PRKAG2: variants seen among roughly 807,000 people sequenced by gnomAD.
The protein encoded by PRKAG2 is 5'-AMP-activated protein kinase subunit gamma-2.
In PRKAG2, 26 loss-of-function variants were observed where a neutral mutation model predicts 69.6. That is an observed-to-expected ratio of 0.37 (90% CI 0.27 to 0.52). The LOEUF (loss-of-function observed/expected upper bound fraction) is 0.52, where lower values mean the gene tolerates loss of function less well. Ranked by LOEUF, PRKAG2 falls within the 20% of genes least tolerant of loss-of-function variation. The pLI, the probability that PRKAG2 is intolerant of heterozygous loss-of-function variation, is 0.90. For synonymous variants in PRKAG2, 293 were observed against 285.0 expected, an observed-to-expected ratio of 1.03 and a Z score of -0.28; for missense variants, 557 against 740.0, an observed-to-expected ratio of 0.75 and a Z score of 2.87.
chr7:151,705,753 C>T (rs1838487728), intron 3 of PRKAG2, among the ~76,000 whole-genome samples: 1 of 152,126 alleles, frequency 6.6e-6, no homozygotes, highest in South Asian at 2.1e-4. Context: ...CTCTGGGGTC[C>T]CCTCCTAGAG....
Position 151,828,746 on chromosome 7 carries a change from C to A in PRKAG2, c.115-42205G>T, listed in dbSNP as rs559199186. On this transcript the variant is annotated intron_variant, in intron 1 of 15. Transcript: ENST00000287878. This position sits in a 1 kb window ranked among gnomAD's most constrained non-coding sequence, Gnocchi z 4.6. ...GACCAGACTGGACAACACAGCGAGACCCTGTCTTTACAAAAAAAAAAAAAA... is the reference window on the plus strand; with the variant it reads ...GACCAGACTGGACAACACAGCGAGAACCTGTCTTTACAAAAAAAAAAAAAA... 1.3e-5 allele frequency among the ~76,000 whole-genome samples: 2 copies of A among 151,706 alleles called. No individual in the cohort carries two copies. Among genetic ancestry groups the A allele is most frequent in the South Asian group, 2.1e-4 (1 of 4,796 alleles).
rs897411896 is a variant in PRKAG2 at position 151,756,704 on chromosome 7, C to T, written c.466+24448G>A. Among the ~76,000 whole-genome samples the T allele has an allele frequency of 1.3e-5, 2 of 152,178 alleles. No individual in the cohort carries two copies. Among genetic ancestry groups the T allele is most frequent in the Admixed American group, 1.3e-4 (2 of 15,278 alleles). On this transcript the variant is annotated intron_variant, in intron 3 of 15. Transcript: ENST00000287878. The surrounding 1 kb of genome is among the most constrained non-coding windows in gnomAD (Gnocchi z 4.9). ...AGGGCTCCCAGCGCCGCCCTCTTCCCTTCTCCCACCTGGGGTGGGAAAGGA... is the reference window on the plus strand; with the variant it reads ...AGGGCTCCCAGCGCCGCCCTCTTCCTTTCTCCCACCTGGGGTGGGAAAGGA...
In PRKAG2 at chr7:151,846,698, G is replaced by A. The variant is rs546728521; in HGVS notation, c.114+29809C>T. 5.3e-5 allele frequency among the ~76,000 whole-genome samples: 8 copies of A among 152,266 alleles called. No homozygotes were observed. The South Asian group carries it at 8.3e-4, about 16-fold the overall frequency. Reference sequence around the variant, plus strand: ...TGTGCATGTGGATGAGTGTTTGGACGTGTAGATAAAGTGAGTATTCTTCTG... The same window carrying A: ...TGTGCATGTGGATGAGTGTTTGGACATGTAGATAAAGTGAGTATTCTTCTG... On this transcript the variant is annotated intron_variant, in intron 1 of 15. Coordinates refer to ENST00000287878, the MANE Select transcript of PRKAG2 (RefSeq NM_016203.4).
intron 5 of PRKAG2, among the ~76,000 whole-genome samples, chr7:151,617,829 C>T (rs1373747413): frequency 6.6e-6 from 1 of 152,118 alleles, no homozygotes; most frequent in Non-Finnish European, 1.5e-5. Flanking sequence ...ACTTAATATG[C>T]TGAATTTCAT....
intron 4 of PRKAG2, among the ~76,000 whole-genome samples, chr7:151,652,058 G>C (rs2151398666): frequency 6.6e-6 from 1 of 152,280 alleles, no homozygotes. Context: ...GAAATGATAG[G>C]TATGTGAGGT....
chr7:151,652,698 T>A (rs1828735933), intron 4 of PRKAG2, among the ~76,000 whole-genome samples: 1 of 152,140 alleles, frequency 6.6e-6, no homozygotes, highest in Admixed American at 6.6e-5. Flanking sequence ...TACAATGGCA[T>A]GATCGGGCTC....
chr7:151,593,003 G>A (rs934488669), intron 6 of PRKAG2, among the ~76,000 whole-genome samples: 2 of 152,164 alleles, frequency 1.3e-5, no homozygotes, highest in African/African-American at 2.4e-5. Flanking sequence ...ACGGCTTCCC[G>A]GAGATGATGC....
chr7:151,576,232 C>T, intron 7 of PRKAG2, 139 bp downstream of exon 7: 1 of 905,864 alleles, frequency 1.1e-6, no homozygotes, highest in Non-Finnish European at 1.8e-6. Flanking sequence ...TGGGCCACTG[C>T]ACCCTGCCAG....
chr7:151,693,672 A>G (rs1384557668), intron 3 of PRKAG2, among the ~76,000 whole-genome samples: 1 of 152,186 alleles, frequency 6.6e-6, no homozygotes, highest in Non-Finnish European at 1.5e-5. Flanking sequence ...CCGCAAGGTG[A>G]TGGTGTTAGG....
intron 3 of PRKAG2, among the ~76,000 whole-genome samples, chr7:151,741,885 G>T (rs762150456): frequency 1.1e-4 from 17 of 152,170 alleles, no homozygotes; most frequent in Non-Finnish European, 2.4e-4. Context: ...ATAATTCGGA[G>T]AAATTCCTGT....
rs530613569 is a variant in PRKAG2 at position 151,828,336 on chromosome 7, G to A, written c.115-41795C>T. On this transcript the variant is annotated intron_variant, in intron 1 of 15. Transcript: ENST00000287878. This position sits in a 1 kb window ranked among gnomAD's most constrained non-coding sequence, Gnocchi z 4.6. ...AAGGGGTGACGGCAGGACTCTCCCCGGATTCAGGTCTATGTTGTATTCATC... is the reference window on the plus strand; with the variant it reads ...AAGGGGTGACGGCAGGACTCTCCCCAGATTCAGGTCTATGTTGTATTCATC... Among the ~76,000 whole-genome samples, 13 of 152,114 alleles carry A rather than the reference G, an allele frequency of 8.5e-5. No homozygotes were observed. The highest frequency in any genetic ancestry group is 3.3e-4 in the Admixed American group (5 of 15,278).
At chr7:151,827,863 C>T (rs367555842) in intron 1 of PRKAG2, among the ~76,000 whole-genome samples, 9 of 151,638 alleles carry the variant, frequency 5.9e-5, no homozygotes, top group East Asian at 5.8e-4. Context: ...ACGTGGCCTC[C>T]GTCTTGGTGC....
intron 5 of PRKAG2, among the ~76,000 whole-genome samples, chr7:151,616,718 C>G (rs1469196716): frequency 2.0e-5 from 3 of 152,176 alleles, no homozygotes; most frequent in Non-Finnish European, 4.4e-5. Flanking sequence ...GCCAGAGGAG[C>G]CTTCACGGCC....
intron 3 of PRKAG2, among the ~76,000 whole-genome samples, chr7:151,705,072 A>G (rs1563479474): frequency 6.6e-6 from 1 of 152,202 alleles, no homozygotes; most frequent in East Asian, 1.9e-4. Context: ...TGCTGAACAC[A>G]TTTTTGACGA....
intron 1 of PRKAG2, among the ~76,000 whole-genome samples, chr7:151,859,693 G>A (rs1314865007): frequency 1.3e-5 from 2 of 152,180 alleles, no homozygotes; most frequent in African/African-American, 4.8e-5. Context: ...GAAGCTGAGT[G>A]GCCTTGGATA....
intron 1 of PRKAG2, among the ~76,000 whole-genome samples, chr7:151,868,714 C>T (rs940920167): frequency 6.6e-6 from 1 of 152,134 alleles, no homozygotes; most frequent in Non-Finnish European, 1.5e-5. Context: ...CATTCTCACT[C>T]GGCTCCTGTC....
At chr7:151,827,458 C>T (rs1485300787) in intron 1 of PRKAG2, among the ~76,000 whole-genome samples, 9 of 151,990 alleles carry the variant, frequency 5.9e-5, no homozygotes, top group African/African-American at 9.7e-5. Context: ...AGGCTGGTCT[C>T]GAACTCCTGA....
chr7:151,687,539 A>T (rs1231559408), intron 3 of PRKAG2, among the ~76,000 whole-genome samples: 1 of 152,202 alleles, frequency 6.6e-6, no homozygotes, highest in African/African-American at 2.4e-5. Flanking sequence ...GTGGAGATGA[A>T]CTCTGCCGAA....
At chr7:151,832,945 C>T (rs570334843) in intron 1 of PRKAG2, among the ~76,000 whole-genome samples, 1 of 152,258 alleles carries the variant, frequency 6.6e-6, no homozygotes, top group African/African-American at 2.4e-5. Context: ...CCACACTGTC[C>T]CCTGAAAAGT....
Sources: gnomAD v4.1 joint callset for allele counts (sites outside exome capture counted in the v4.1 genomes callset) on GRCh38, gnomAD v4.1.1 for gene constraint, Gnocchi (gnomAD v3.1) non-coding constraint, MANE v1.5 for transcripts, NCBI Gene and HGNC (gene_info 2026-07-23, HGNC 2026-07-21) for gene names.